Variants in ALK observed in about 807,000 individuals in gnomAD.
ALK encodes ALK tyrosine kinase receptor.
A neutral mutation model predicts 163.1 loss-of-function variants in ALK; 74 were observed. The observed-to-expected ratio is 0.45, with a 90% confidence interval of 0.38 to 0.55. The LOEUF is 0.55. ALK is among the 20% of genes least tolerant of loss of function. The pLI, the probability that ALK is intolerant of heterozygous loss-of-function variation, is 0.00. For missense variants in ALK, 2,063 were observed against 2,105.3 expected (o/e 0.98, Z 0.39); for synonymous variants, 960 against 843.2 (o/e 1.14, Z -2.40).
At chr2:29,514,481 C>G (rs1192132017) in intron 4 of ALK, among the ~76,000 whole-genome samples, 6 of 152,152 alleles carry the variant, frequency 3.9e-5, no homozygotes, top group Admixed American at 2.6e-4. Flanking sequence ...AATACACTCC[C>G]AGGGCTTGAA....
At chr2:29,736,857 T>G (rs1679906630) in intron 1 of ALK, among the ~76,000 whole-genome samples, 3 of 152,218 alleles carry the variant, frequency 2.0e-5, no homozygotes, top group African/African-American at 4.8e-5. Context: ...TTGTCAAAAT[T>G]TATGGATCAG....
chr2:29,696,496 C>T (rs1678566264), intron 2 of ALK, among the ~76,000 whole-genome samples: 1 of 136,612 alleles, frequency 7.3e-6, no homozygotes, highest in East Asian at 2.2e-4. Context: ...AACAAACCTG[C>T]ATGTTCGCAC....
intron 4 of ALK, among the ~76,000 whole-genome samples, chr2:29,442,605 G>C (rs1490786709): frequency 1.3e-5 from 2 of 152,116 alleles, no homozygotes; most frequent in African/African-American, 4.8e-5. Flanking sequence ...GGTAAAAATG[G>C]GGATGTAGTA....
intron 1 of ALK, among the ~76,000 whole-genome samples, chr2:29,906,692 G>A (rs936391186): frequency 6.6e-6 from 1 of 152,102 alleles, no homozygotes; most frequent in Non-Finnish European, 1.5e-5. Context: ...ACCTCTCTGA[G>A]CATCAGTTTC....
At chr2:29,359,425 C>A (rs1308599642) in intron 5 of ALK, among the ~76,000 whole-genome samples, 1 of 152,208 alleles carries the variant, frequency 6.6e-6, no homozygotes, top group African/African-American at 2.4e-5. Context: ...GGTTGGTGTC[C>A]AGGACTTCTC....
intron 24 of ALK, among the ~76,000 whole-genome samples, chr2:29,212,693 C>T (rs1669495878): frequency 1.3e-5 from 2 of 152,046 alleles, no homozygotes; most frequent in South Asian, 4.2e-4. Flanking sequence ...GCATGATTTT[C>T]TATTTCTTTG....
At chr2:29,709,465 C>A (rs1057046836) in intron 2 of ALK, among the ~76,000 whole-genome samples, 10 of 152,116 alleles carry the variant, frequency 6.6e-5, no homozygotes, top group African/African-American at 9.7e-5. Context: ...ATTGAGTACA[C>A]AATGAGTACA....
intron 4 of ALK, among the ~76,000 whole-genome samples, chr2:29,440,318 A>ATTTCTTTT (rs780283356): frequency 1.2e-5 from 1 of 83,166 alleles, no homozygotes; most frequent in African/African-American, 3.5e-5. Context: ...TGATGAATCA[A>ATTTCTTTT]TTTTTTTTTT....
intron 12 of ALK, 77 bp from the exon 13 acceptor site, chr2:29,239,907 AGTGGGCTAAGCACATCGCCATC>A: frequency 2.6e-6 from 4 of 1,538,340 alleles, no homozygotes; most frequent in Non-Finnish European, 3.5e-6. Context: ...AGCAGCTTCC[AGTGGGCTAAGCACATCGCCATC>A]GTGGTCTGAG....
chr2:29,232,444 T>G lies in ALK; in HGVS notation c.2492A>C (p.Lys831Thr). ...GGGATYVFKM[K>T]DGVPVPLIIA... is the part of the protein sequence containing the mutation. ...GATCAGGGGCACCGGCACTCCATCC[T>G]TCATCTGACCAGGGGAGACATTCAG... Residue 831 changes from lysine to threonine, a missense_variant, in exon 15 of 29, where the codon AAG becomes ACG. Physicochemically the swap from Lys to Thr is moderately conservative, Grantham distance 78. This residue lies in a region of ALK where 575 missense variants were observed against 626.6 expected (regional missense o/e 0.92). Coordinates refer to ENST00000389048, the MANE Select transcript of ALK (RefSeq NM_004304.5). The G allele has an allele frequency of 6.2e-7, 1 of 1,614,250 alleles. No individual in the cohort carries two copies. Among genetic ancestry groups the G allele is most frequent in the South Asian group, 1.1e-5 (1 of 91,078 alleles).
At chr2:29,697,541 C>A (rs533505355) in intron 2 of ALK, among the ~76,000 whole-genome samples, 2 of 152,258 alleles carry the variant, frequency 1.3e-5, no homozygotes, top group African/African-American at 4.8e-5. Flanking sequence ...ATGGCGGGCT[C>A]TCAAAGCTGG....
At chr2:29,268,258 C>T (rs1558645963) in intron 11 of ALK, among the ~76,000 whole-genome samples, 5 of 152,140 alleles carry the variant, frequency 3.3e-5, no homozygotes, top group Admixed American at 3.3e-4. Context: ...TTGGGAAGTT[C>T]TGAAATAATA....
chr2:29,835,695 A>G (rs1211637431), intron 1 of ALK, among the ~76,000 whole-genome samples: 1 of 152,202 alleles, frequency 6.6e-6, no homozygotes, highest in African/African-American at 2.4e-5. Context: ...ATGGGACACA[A>G]TTGAATCATG....
intron 3 of ALK, among the ~76,000 whole-genome samples, chr2:29,693,049 G>A (rs939950760): frequency 3.9e-5 from 6 of 152,144 alleles, no homozygotes; most frequent in South Asian, 2.1e-4. Flanking sequence ...TAGCCATGAA[G>A]AAGAGCAAAT....
chr2:29,201,431 C>G (rs537065798), intron 26 of ALK, among the ~76,000 whole-genome samples: 1 of 152,136 alleles, frequency 6.6e-6, no homozygotes, highest in African/African-American at 2.4e-5. Context: ...TCCTTGACTC[C>G]GTTATCCCAC....
At chr2:29,888,421 G>C (rs1317490451) in intron 1 of ALK, among the ~76,000 whole-genome samples, 1 of 152,120 alleles carries the variant, frequency 6.6e-6, no homozygotes, top group African/African-American at 2.4e-5. Context: ...ATTATCAGCT[G>C]TTATAAATTA....
intron 2 of ALK, 90 bp downstream of exon 2, chr2:29,717,488 G>C: frequency 1.3e-6 from 2 of 1,493,576 alleles, no homozygotes; most frequent in East Asian, 4.5e-5. Flanking sequence ...GAATGCCCTG[G>C]AGCACTATGA....
intron 4 of ALK, among the ~76,000 whole-genome samples, chr2:29,502,379 C>A (rs1573407551): frequency 6.6e-6 from 1 of 152,164 alleles, no homozygotes; most frequent in East Asian, 1.9e-4. Flanking sequence ...TGTAAAAGAT[C>A]AGTTTTGTAA....
At chr2:29,258,537 C>G (rs1259622211) in intron 11 of ALK, among the ~76,000 whole-genome samples, 3 of 152,160 alleles carry the variant, frequency 2.0e-5, no homozygotes, top group African/African-American at 7.2e-5. Flanking sequence ...AATTATTTCT[C>G]CTTATGTATA....
Sources: allele counts gnomAD v4.1 joint callset (sites outside exome capture counted in the v4.1 genomes callset), GRCh38; gene constraint gnomAD v4.1.1; regional missense constraint gnomAD v4.1.1; transcripts MANE v1.5; gene names NCBI Gene and HGNC (gene_info 2026-07-23, HGNC 2026-07-21).